Variants in CRHR1 observed in about 807,000 individuals in gnomAD.
CRHR1 encodes the protein corticotropin releasing hormone receptor 1.
CRHR1 carries 28 observed loss-of-function variants against 56.0 expected under a neutral mutation model. The ratio of observed to expected loss-of-function variants is 0.50; its 90% CI spans 0.37 to 0.69. The LOEUF is 0.69. CRHR1 is among the 30% of genes least tolerant of loss of function. The probability of loss-of-function intolerance (pLI) is 0.00; values close to 1 mark genes in which losing one functional copy is unlikely to be tolerated. For synonymous variants in CRHR1, 195 were observed against 216.5 expected (o/e 0.90, Z 0.87); for missense variants, 376 against 548.0 (o/e 0.69, Z 3.13).
intron 10 of CRHR1, 21 bp from the exon 11 acceptor site, chr17:45,833,693 T>TGGGGGGGGGGGGGCCC: frequency 3.2e-6 from 5 of 1,571,610 alleles, no homozygotes; most frequent in Non-Finnish European, 4.3e-6. Flanking sequence ...ACTCCGAGCC[T>TGGGGGGGGGGGGGCCC]CCCCACCCGC....
chr17:45,811,313 G>T (rs36069290), intron 2 of CRHR1, among the ~76,000 whole-genome samples: 2 of 152,228 alleles, frequency 1.3e-5, no homozygotes, highest in African/African-American at 2.4e-5. Flanking sequence ...CCCTGACCCC[G>T]CAGGGTTTCT....
At chr17:45,820,170 C>G (rs2062012177) in intron 3 of CRHR1, among the ~76,000 whole-genome samples, 1 of 152,222 alleles carries the variant, frequency 6.6e-6, no homozygotes, top group Admixed American at 6.5e-5. Context: ...ACAGGAAGGC[C>G]TACAGTGAGG....
At chr17:45,798,527 G>A (rs1328139758) in intron 1 of CRHR1, among the ~76,000 whole-genome samples, 5 of 108,820 alleles carry the variant, frequency 4.6e-5, no homozygotes, top group Non-Finnish European at 9.1e-5. Context: ...CTCCGTCTCG[G>A]GAAAAAAAAA....
chr17:45,830,088 C>T lies in CRHR1; in HGVS notation c.435-6C>T, dbSNP rs2062261686. ...CTCCCATCATCCACCCGCCCTGCTG[C>T]ACCAGGAGCATCCGGTGCCTGCGAA... On this transcript the variant is annotated splice_region_variant and splice_polypyrimidine_tract_variant and intron_variant, in intron 5 of 12. Transcript: ENST00000314537. 6.2e-7 allele frequency: 1 copy of T among 1,613,934 alleles called. No individual in the cohort carries two copies. Among genetic ancestry groups the T allele is most frequent in the African/African-American group, 1.3e-5 (1 of 74,916 alleles).
At chr17:45,803,881 C>A (rs761754912) in intron 1 of CRHR1, among the ~76,000 whole-genome samples, 1 of 152,160 alleles carries the variant, frequency 6.6e-6, no homozygotes, top group Non-Finnish European at 1.5e-5. Context: ...CTAGAAGGGG[C>A]CTCTGGCCCT....
At chr17:45,823,099 G>A (rs765793931) in intron 4 of CRHR1, among the ~76,000 whole-genome samples, 5 of 150,088 alleles carry the variant, frequency 3.3e-5, no homozygotes, top group Admixed American at 6.6e-5. Flanking sequence ...AGCCCAGATC[G>A]CGCCACAGCA....
intron 3 of CRHR1, among the ~76,000 whole-genome samples, chr17:45,817,526 G>A (rs1279489924): frequency 6.6e-6 from 1 of 152,256 alleles, no homozygotes; most frequent in African/African-American, 2.4e-5. Flanking sequence ...ATCTGAGGAT[G>A]GAGAGGGCTG....
At chr17:45,827,327 C>T (rs572100051) in intron 4 of CRHR1, among the ~76,000 whole-genome samples, 50 of 152,398 alleles carry the variant, frequency 3.3e-4, no homozygotes, top group African/African-American at 1.1e-3. Flanking sequence ...TCCTCCCGCC[C>T]AGCCTGGGCC....
chr17:45,788,170 G>A (rs1035690129), intron 1 of CRHR1, among the ~76,000 whole-genome samples: 20 of 152,238 alleles, frequency 1.3e-4, no homozygotes, highest in Non-Finnish European at 2.4e-4. Flanking sequence ...CTAGAAGGAA[G>A]CAGTTAGGTG....
rs1452926963 is a variant in CRHR1, at chr17:45,788,413, TG to T, written c.33+3837del. On this transcript the variant is annotated intron_variant, in intron 1 of 12. Coordinates refer to ENST00000314537, the MANE Select transcript of CRHR1 (RefSeq NM_004382.5). ...TGTTTTCAAATACTCCTTAGGGACATGACCTCACATAGAAAGAGGGGGGTGC... is the reference window on the plus strand; with the variant it reads ...TGTTTTCAAATACTCCTTAGGGACATACCTCACATAGAAAGAGGGGGGTGC... 3.3e-5 allele frequency among the ~76,000 whole-genome samples: 5 copies of T among 152,354 alleles called. No individual in the cohort carries two copies. In the East Asian group the frequency reaches 9.6e-4, roughly 29 times the overall value.
chr17:45,810,280 G>A (rs1015996830), intron 2 of CRHR1, among the ~76,000 whole-genome samples: 1 of 152,014 alleles, frequency 6.6e-6, no homozygotes, highest in African/African-American at 2.4e-5. Context: ...GCGAGACTCT[G>A]TCTCAAATAA....
At position 45,784,564 on chromosome 17, in the gene CRHR1, T is replaced by A; in HGVS notation, c.20T>A (p.Leu7His). ...CCGAGGATGGGAGGGCACCCGCAGC[T>A]CCGTCTCGTCAAGGTAACAGCCCGC... MGGHPQ[L>H]RLVKALLLLG... The change falls in exon 1 of 13, where the codon CTC becomes CAC. Residue 7 changes from leucine to histidine, a missense_variant. This residue lies in a region of CRHR1 where 369 missense variants were observed against 519.5 expected (regional missense o/e 0.71). Coordinates refer to ENST00000314537, the MANE Select transcript of CRHR1 (RefSeq NM_004382.5). This position sits in a 1 kb window ranked among gnomAD's most constrained non-coding sequence, Gnocchi z 4.2. 6.4e-7 allele frequency: 1 copy of A among 1,554,152 alleles called. No homozygotes were observed. Among genetic ancestry groups the A allele is most frequent in the South Asian group, 1.2e-5 (1 of 84,372 alleles).
chr17:45,791,852 T>TCTCTCTCACACA (rs60388646), intron 1 of CRHR1, among the ~76,000 whole-genome samples: 8 of 121,024 alleles, frequency 6.6e-5, no homozygotes, highest in Non-Finnish European at 1.0e-4. Context: ...TCTCTCTCTC[T>TCTCTCTCACACA]CACACACACA....
intron 2 of CRHR1, among the ~76,000 whole-genome samples, chr17:45,814,309 G>A (rs1209885374): frequency 2.0e-5 from 3 of 152,216 alleles, no homozygotes; most frequent in Admixed American, 6.5e-5. Flanking sequence ...CACACAGTCA[G>A]CCCTCAACAA....
In CRHR1 at chr17:45,795,208, G is replaced by A. The variant is rs1244823312; in HGVS notation, c.33+10631G>A. On this transcript the variant is annotated intron_variant, in intron 1 of 12. Coordinates refer to ENST00000314537, the MANE Select transcript of CRHR1 (RefSeq NM_004382.5). ...ACTGACTGATCCAAGGTCGCACAGG[G>A]CATTCACCAAGAAGAGTGCAATCCA... 2.6e-5 allele frequency among the ~76,000 whole-genome samples: 4 copies of A among 152,144 alleles called. No homozygotes were observed. In the East Asian group the frequency reaches 7.7e-4, roughly 29 times the overall value.
chr17:45,803,629 G>T (rs1031558066), intron 1 of CRHR1, among the ~76,000 whole-genome samples: 1 of 152,116 alleles, frequency 6.6e-6, no homozygotes, highest in Admixed American at 6.5e-5. Context: ...CAGGTGATCC[G>T]CCTGCCTTGG....
At chr17:45,795,707 C>T (rs1310995728) in intron 1 of CRHR1, among the ~76,000 whole-genome samples, 2 of 152,158 alleles carry the variant, frequency 1.3e-5, no homozygotes, top group African/African-American at 4.8e-5. Flanking sequence ...CCTATTGAAC[C>T]CCAATTTTGG....
At chr17:45,804,710 C>T (rs2061688408) in intron 1 of CRHR1, among the ~76,000 whole-genome samples, 1 of 151,888 alleles carries the variant, frequency 6.6e-6, no homozygotes, top group East Asian at 1.9e-4. Context: ...ATGGGGCAGG[C>T]AGGGAAGGAG....
Position 45,808,838 on chromosome 17 carries a change from C to G in CRHR1, c.121+1741C>G, listed in dbSNP as rs199990060. ...AATTTTTAAAATTGTTTTGTAAAGA[C>G]AGGGTCTCAGTTGCCCAGGCTGGAG... On this transcript the variant is annotated intron_variant, in intron 2 of 12. Transcript: ENST00000314537. Among the ~76,000 whole-genome samples, 7 of 152,246 alleles carry G rather than the reference C, an allele frequency of 4.6e-5. No homozygotes were observed. In the East Asian group the frequency reaches 1.2e-3, roughly 25 times the overall value.
Sources: gnomAD v4.1 joint callset for allele counts (sites outside exome capture counted in the v4.1 genomes callset) on GRCh38, gnomAD v4.1.1 for gene constraint, gnomAD v4.1.1 regional missense constraint, Gnocchi (gnomAD v3.1) non-coding constraint, MANE v1.5 for transcripts, NCBI Gene and HGNC (gene_info 2026-07-23, HGNC 2026-07-21) for gene names.